The following SCHIP1 variants were observed in gnomAD, a reference collection of about 807,000 sequenced individuals.
The protein encoded by SCHIP1 is schwannomin-interacting protein 1.
SCHIP1 carries 8 observed loss-of-function variants against 29.7 expected under a neutral mutation model. The observed-to-expected ratio is 0.27, with a 90% CI of 0.16 to 0.49. The LOEUF (loss-of-function observed/expected upper bound fraction) is 0.49, where lower values mean the gene tolerates loss of function less well. SCHIP1 is among the 20% of genes least tolerant of loss of function. SCHIP1 has a pLI of 0.99. For missense variants in SCHIP1, 193 were observed against 294.6 expected, an observed-to-expected ratio of 0.66 and a Z score of 2.52; for synonymous variants, 76 against 94.9, an observed-to-expected ratio of 0.80 and a Z score of 1.16.
chr3:159,815,241 G>T, the SCHIP1 span, among the ~76,000 whole-genome samples: 13 of 152,320 alleles, frequency 8.5e-5, no homozygotes, highest in Non-Finnish European at 1.5e-4. Flanking sequence ...TATCGGAAGA[G>T]TTCCCAGTGA....
the SCHIP1 span, among the ~76,000 whole-genome samples, chr3:159,601,540 G>A: frequency 6.6e-6 from 1 of 152,122 alleles, no homozygotes; most frequent in Non-Finnish European, 1.5e-5. Flanking sequence ...GGGGAGGAGG[G>A]GTCATATTCT....
At chr3:159,783,555 G>C in the SCHIP1 span, among the ~76,000 whole-genome samples, 10 of 152,220 alleles carry the variant, frequency 6.6e-5, no homozygotes, top group Admixed American at 2.0e-4. Flanking sequence ...TTTTCCTGTA[G>C]TTGATTTGAA....
At chr3:159,623,711 G>A in the SCHIP1 span, among the ~76,000 whole-genome samples, 1 of 152,162 alleles carries the variant, frequency 6.6e-6, no homozygotes, top group East Asian at 1.9e-4. Context: ...AAATGTTCAG[G>A]TGCAGGCTGT....
the SCHIP1 span, among the ~76,000 whole-genome samples, chr3:159,745,342 A>T: frequency 6.6e-6 from 1 of 152,258 alleles, no homozygotes; most frequent in South Asian, 2.1e-4. Context: ...TCTGGATAAG[A>T]CTCAGGCAGA....
chr3:159,397,996 C>T, the SCHIP1 span, among the ~76,000 whole-genome samples: 4 of 152,202 alleles, frequency 2.6e-5, no homozygotes, highest in African/African-American at 9.7e-5. Context: ...GTGCAGGACC[C>T]TCCAAGCCAG....
chr3:159,426,791 T>C, the SCHIP1 span, among the ~76,000 whole-genome samples: 1 of 152,170 alleles, frequency 6.6e-6, no homozygotes, highest in African/African-American at 2.4e-5. Context: ...CTCAATAAAA[T>C]ACTGGCAAAC....
chr3:159,696,363 T>G, the SCHIP1 span, among the ~76,000 whole-genome samples: 1 of 152,160 alleles, frequency 6.6e-6, no homozygotes, highest in Non-Finnish European at 1.5e-5. Flanking sequence ...TTTCTGTGAA[T>G]AGTGAAGTTA....
the SCHIP1 span, among the ~76,000 whole-genome samples, chr3:159,519,416 T>C: frequency 6.6e-6 from 1 of 152,114 alleles, no homozygotes; most frequent in African/African-American, 2.4e-5. Context: ...ATATGTGACT[T>C]CATTATTATA....
the SCHIP1 span, among the ~76,000 whole-genome samples, chr3:159,628,108 G>C: frequency 6.6e-6 from 1 of 152,190 alleles, no homozygotes; most frequent in East Asian, 1.9e-4. Flanking sequence ...AGTAACTGAG[G>C]AGTGGAGTTT....
chr3:159,508,189 T>G, the SCHIP1 span, among the ~76,000 whole-genome samples: 3 of 152,194 alleles, frequency 2.0e-5, no homozygotes, highest in Non-Finnish European at 2.9e-5. Flanking sequence ...CTTGGTTTAG[T>G]CTTGGGAGGG....
chr3:159,704,591 G>T, the SCHIP1 span, among the ~76,000 whole-genome samples: 7 of 152,008 alleles, frequency 4.6e-5, no homozygotes, highest in Non-Finnish European at 7.4e-5. Flanking sequence ...CTTAATAAAT[G>T]GTTCTTGAAT....
the SCHIP1 span, among the ~76,000 whole-genome samples, chr3:159,378,867 A>G: frequency 6.6e-6 from 1 of 152,212 alleles, no homozygotes; most frequent in Non-Finnish European, 1.5e-5. Flanking sequence ...CTGGTAATAT[A>G]AGATTCTTCC....
the SCHIP1 span, among the ~76,000 whole-genome samples, chr3:159,590,250 C>A: frequency 6.6e-6 from 1 of 152,118 alleles, no homozygotes; most frequent in Non-Finnish European, 1.5e-5. Flanking sequence ...AAGTCAAACC[C>A]TAACCCACCC....
At chr3:159,683,631 A>G in the SCHIP1 span, among the ~76,000 whole-genome samples, 521 of 152,200 alleles carry the variant, frequency 3.4e-3, 3 homozygotes, top group African/African-American at 0.012. Context: ...CCAACTCATG[A>G]GTTGTCCACT....
intron 1 of SCHIP1, among the ~76,000 whole-genome samples, chr3:159,860,397 G>A (rs1453506652): frequency 3.3e-5 from 5 of 152,162 alleles, no homozygotes; most frequent in Middle Eastern, 3.4e-3. Context: ...CAGAGTCTCC[G>A]GCCCTGTCTT....
the SCHIP1 span, among the ~76,000 whole-genome samples, chr3:159,483,155 C>G: frequency 6.6e-6 from 1 of 152,020 alleles, no homozygotes; most frequent in East Asian, 1.9e-4. Context: ...TTTTTCTAAA[C>G]GAATTCAAAT....
chr3:159,750,276 TATATATATATATATATATATACACAC>T, the SCHIP1 span, among the ~76,000 whole-genome samples: 3 of 15,636 alleles, frequency 1.9e-4, no homozygotes, highest in African/African-American at 3.5e-4. Context: ...TATATATATA[TATATATATATATATATATATACACAC>T]ACACACACAC....
chr3:159,514,684 C>G, the SCHIP1 span, among the ~76,000 whole-genome samples: 1 of 152,176 alleles, frequency 6.6e-6, no homozygotes, highest in South Asian at 2.1e-4. Context: ...GAAAACTAAA[C>G]TATTTCTTCA....
the SCHIP1 span, among the ~76,000 whole-genome samples, chr3:159,395,256 CT>C: frequency 2.0e-5 from 3 of 151,972 alleles, no homozygotes; most frequent in South Asian, 4.2e-4. Context: ...TTTGTTGATC[CT>C]TTCAAAACAC....
Sources: allele counts gnomAD v4.1 joint callset (sites outside exome capture counted in the v4.1 genomes callset), GRCh38; gene constraint gnomAD v4.1.1; transcripts MANE v1.5; gene names NCBI Gene and HGNC (gene_info 2026-07-23, HGNC 2026-07-21).